The following SYNPO2 variants were observed in gnomAD, a reference collection of about 807,000 sequenced individuals.
SYNPO2 encodes synaptopodin 2.
Under a neutral mutation model 85.0 loss-of-function variants are expected in SYNPO2, and 56 were observed. That is an observed-to-expected ratio of 0.66 (90% confidence interval 0.53 to 0.82). SYNPO2 has a LOEUF of 0.82. Among genes scored for constraint, SYNPO2 ranks in the 40% least tolerant of loss-of-function variants. The probability of loss-of-function intolerance (pLI) is 0.00; values close to 1 mark genes in which losing one functional copy is unlikely to be tolerated. For synonymous variants in SYNPO2, 602 were observed against 591.1 expected, an observed-to-expected ratio of 1.02 and a Z score of -0.27; for missense variants, 1,575 against 1,534.2, an observed-to-expected ratio of 1.03 and a Z score of -0.44.
intron 1 of SYNPO2, among the ~76,000 whole-genome samples, chr4:118,902,758 A>G (rs1339515484): frequency 6.6e-6 from 1 of 152,184 alleles, no homozygotes; most frequent in Non-Finnish European, 1.5e-5. Context: ...GAATTTAAGG[A>G]GTGTCGAGGA....
At position 119,023,492 on chromosome 4, in the gene SYNPO2, C is replaced by T. The variant is rs2149185660; in HGVS notation, c.168C>T (p.Ile56=). Residue 56 remains isoleucine, a synonymous_variant, in exon 2 of 5, where the codon ATC becomes ATT. Transcript: ENST00000307142. ...GLCEGDEVVS[I]NGNPCADLTY... Reference sequence around the variant, plus strand: ...GTGAGGGAGATGAAGTGGTTTCCATCAATGGCAACCCTTGTGCAGATCTCA... The same window carrying T: ...GTGAGGGAGATGAAGTGGTTTCCATTAATGGCAACCCTTGTGCAGATCTCA... The T allele has an allele frequency of 6.2e-7, 1 of 1,613,976 alleles. No homozygotes were observed. The highest frequency in any genetic ancestry group is 8.5e-7 in the Non-Finnish European group (1 of 1,179,910).
intron 2 of SYNPO2, among the ~76,000 whole-genome samples, chr4:119,024,999 A>G (rs1195002113): frequency 6.6e-6 from 1 of 152,222 alleles, no homozygotes; most frequent in Non-Finnish European, 1.5e-5. Flanking sequence ...TATAATTGTG[A>G]CACATAAATT....
intron 1 of SYNPO2, among the ~76,000 whole-genome samples, chr4:119,010,746 C>A (rs983716809): frequency 2.0e-5 from 3 of 152,214 alleles, no homozygotes; most frequent in African/African-American, 7.2e-5. Context: ...GGGCATTATT[C>A]ATTATTTCAA....
chr4:118,998,420 G>C (rs1736696630), intron 1 of SYNPO2, among the ~76,000 whole-genome samples: 1 of 152,186 alleles, frequency 6.6e-6, no homozygotes, highest in South Asian at 2.1e-4. Context: ...CTATGTGTCT[G>C]ATGATGAGAA....
chr4:119,018,988 A>T (rs1269923283), intron 1 of SYNPO2, among the ~76,000 whole-genome samples: 1 of 152,162 alleles, frequency 6.6e-6, no homozygotes, highest in African/African-American at 2.4e-5. Flanking sequence ...GCATGTTCTC[A>T]CTTATAAGTG....
At chr4:118,977,148 G>A (rs1374710158) in intron 1 of SYNPO2, among the ~76,000 whole-genome samples, 1 of 152,216 alleles carries the variant, frequency 6.6e-6, no homozygotes, top group Non-Finnish European at 1.5e-5. Flanking sequence ...CCATGGAGGG[G>A]GTGGGAGGCT....
intron 1 of SYNPO2, among the ~76,000 whole-genome samples, chr4:118,865,945 G>A (rs1731693149): frequency 6.6e-6 from 1 of 152,140 alleles, no homozygotes. Context: ...GAATGTGGCT[G>A]GTGTGGGATT....
chr4:118,852,390 A>T (rs773761553), intron 1 of SYNPO2, among the ~76,000 whole-genome samples: 9 of 152,234 alleles, frequency 5.9e-5, no homozygotes, highest in Non-Finnish European at 8.8e-5. Context: ...AAGGAATATA[A>T]ATCATTCTAT....
At chr4:118,853,295 TGTAA>T (rs1445259869) in intron 1 of SYNPO2, among the ~76,000 whole-genome samples, 3 of 152,222 alleles carry the variant, frequency 2.0e-5, no homozygotes, top group African/African-American at 4.8e-5. Flanking sequence ...TTTAAACTGC[TGTAA>T]GTGTTTCATT....
At position 118,879,637 on chromosome 4, in the gene SYNPO2, C is replaced by T. The variant is rs114790852; in HGVS notation, c.12+28697C>T. On this transcript the variant is annotated intron_variant, in intron 1 of 4. Coordinates refer to the SYNPO2 transcript ENST00000610556. ...GGAAACACATTTTTGTGGTTTAAAT[C>T]GCCCAGCGTATGATACTGTGTTATG... Among the ~76,000 whole-genome samples the T allele has an allele frequency of 7.0e-3, 1,064 of 152,266 alleles. 13 individuals carry two copies. Among genetic ancestry groups the T allele is most frequent in the African/African-American group, 0.024 (1,017 of 41,536 alleles).
intron 1 of SYNPO2, among the ~76,000 whole-genome samples, chr4:119,014,497 C>T (rs13146107): frequency 0.66 from 99,703 of 151,926 alleles, 32,842 homozygotes; most frequent in Middle Eastern, 0.71. Flanking sequence ...TTATACAATA[C>T]GGTTTTTCAT....
At chr4:118,861,400 T>C (rs998531181) in intron 1 of SYNPO2, among the ~76,000 whole-genome samples, 1 of 152,194 alleles carries the variant, frequency 6.6e-6, no homozygotes, top group Non-Finnish European at 1.5e-5. Context: ...CTTGATCTCC[T>C]GACCTTGTGT....
intron 1 of SYNPO2, among the ~76,000 whole-genome samples, chr4:118,985,031 C>G (rs1276207015): frequency 6.6e-6 from 1 of 152,198 alleles, no homozygotes; most frequent in Non-Finnish European, 1.5e-5. Context: ...TGGTCCTAGA[C>G]CTGGAGCACT....
rs111571485 is a variant in SYNPO2 at position 119,036,778 on chromosome 4, G to A, written c.3252+4751G>A. ...GTATGTTTCTGTGGTATGTATATTT[G>A]TACACCTAACTACCTGGCACTTGGA... On this transcript the variant is annotated intron_variant, in intron 4 of 4. Coordinates refer to ENST00000307142, the MANE Select transcript of SYNPO2 (RefSeq NM_133477.3). 1.5e-5 allele frequency: 15 copies of A among 1,000,616 alleles called. No homozygotes were observed. The African/African-American group carries it at 2.2e-4, about 15-fold the overall frequency. The allele number at this position is 1,000,616 out of a possible 1,614,324, so 62.0% of individuals were successfully genotyped here.
intron 4 of SYNPO2, among the ~76,000 whole-genome samples, chr4:119,049,286 G>A (rs1449558459): frequency 6.6e-6 from 1 of 152,166 alleles, no homozygotes; most frequent in African/African-American, 2.4e-5. Flanking sequence ...GATTAAAAAG[G>A]CAAAAGAAAT....
At chr4:118,903,630 T>A (rs901723333) in intron 1 of SYNPO2, among the ~76,000 whole-genome samples, 2 of 152,142 alleles carry the variant, frequency 1.3e-5, no homozygotes, top group Non-Finnish European at 1.5e-5. Context: ...TGTTATTCAG[T>A]TTAATCAGTT....
At chr4:118,963,051 A>G (rs1354399700) in intron 1 of SYNPO2, among the ~76,000 whole-genome samples, 2 of 152,218 alleles carry the variant, frequency 1.3e-5, no homozygotes, top group African/African-American at 4.8e-5. Context: ...TCAAAGTAAT[A>G]TAGAGAATAA....
At chr4:118,867,961 T>A (rs1224965868) in intron 1 of SYNPO2, among the ~76,000 whole-genome samples, 2 of 151,852 alleles carry the variant, frequency 1.3e-5, no homozygotes, top group African/African-American at 2.4e-5. Flanking sequence ...ACAGTCAGTC[T>A]CTGTCATGTT....
At chr4:118,950,121 T>C (rs529329264) in intron 1 of SYNPO2, among the ~76,000 whole-genome samples, 1 of 152,326 alleles carries the variant, frequency 6.6e-6, no homozygotes, top group Non-Finnish European at 1.5e-5. Flanking sequence ...TTCTCAATAA[T>C]ACTATTTTTC....
Sources: gnomAD v4.1 joint callset for allele counts (sites outside exome capture counted in the v4.1 genomes callset) on GRCh38, gnomAD v4.1.1 for gene constraint, MANE v1.5 for transcripts, NCBI Gene and HGNC (gene_info 2026-07-23, HGNC 2026-07-21) for gene names.